Variants in RBFOX1 observed in about 807,000 individuals in gnomAD.
The protein encoded by RBFOX1 is RNA binding fox-1 homolog 1.
In RBFOX1, 8 loss-of-function variants were observed where a neutral mutation model predicts 57.7. That is an observed-to-expected ratio of 0.14 (90% CI 0.08 to 0.25). The LOEUF is 0.25. Among genes scored for constraint, RBFOX1 ranks in the 10% least tolerant of loss-of-function variants. The pLI is 1.00. For missense variants in RBFOX1, 611 were observed against 548.5 expected (o/e 1.11, Z -1.14); for synonymous variants, 326 against 222.4 (o/e 1.47, Z -4.15).
At chr16:7,442,727 T>G (rs922230403) in intron 4 of RBFOX1, among the ~76,000 whole-genome samples, 1 of 152,162 alleles carries the variant, frequency 6.6e-6, no homozygotes, top group Non-Finnish European at 1.5e-5. Flanking sequence ...GTCCGTCTTG[T>G]CAACCGGAAC....
At chr16:5,317,803 A>T (rs574427518) in intron 1 of RBFOX1, among the ~76,000 whole-genome samples, 1 of 152,138 alleles carries the variant, frequency 6.6e-6, no homozygotes, top group Non-Finnish European at 1.5e-5. Flanking sequence ...CATTTAAACC[A>T]TTTTAAGTTT....
intron 3 of RBFOX1, among the ~76,000 whole-genome samples, chr16:6,737,332 G>A (rs1603482049): frequency 6.6e-6 from 1 of 151,452 alleles, no homozygotes; most frequent in East Asian, 1.9e-4. Flanking sequence ...TTGTTTAGAA[G>A]TATAAAAATG....
chr16:7,532,342 G>A (rs566836205), intron 5 of RBFOX1, among the ~76,000 whole-genome samples: 5 of 152,232 alleles, frequency 3.3e-5, no homozygotes, highest in Non-Finnish European at 7.4e-5. Flanking sequence ...CGCCAGCTTC[G>A]GGGAGATGAG....
chr16:7,093,267 A>G (rs1370824269), intron 4 of RBFOX1, among the ~76,000 whole-genome samples: 2 of 152,148 alleles, frequency 1.3e-5, no homozygotes, highest in African/African-American at 4.8e-5. Flanking sequence ...GAAGGTGTTC[A>G]TTATATTATC....
Position 7,306,185 on chromosome 16 carries a change from C to T in RBFOX1, c.28-211962C>T, listed in dbSNP as rs190703414. Among the ~76,000 whole-genome samples the T allele has an allele frequency of 1.4e-4, 22 of 152,202 alleles. No individual in the cohort carries two copies. The East Asian group carries it at 3.9e-3, about 27-fold the overall frequency. ...GGTGTTTGTGTTTTTTTCAAAAATA[C>T]ATCCATGTTTCTGCCTTCTAGATTT... On this transcript the variant is annotated intron_variant, in intron 4 of 15. Transcript: ENST00000550418.
At chr16:7,642,264 G>C (rs2062956387) in intron 11 of RBFOX1, among the ~76,000 whole-genome samples, 1 of 152,162 alleles carries the variant, frequency 6.6e-6, no homozygotes, top group African/African-American at 2.4e-5. Flanking sequence ...CCTAGGCTCA[G>C]ACAGTACCTG....
chr16:6,868,411 AATTGGT>A (rs1383095545), intron 3 of RBFOX1, among the ~76,000 whole-genome samples: 1 of 152,150 alleles, frequency 6.6e-6, no homozygotes, highest in Non-Finnish European at 1.5e-5. Flanking sequence ...TTAGTGTTCA[AATTGGT>A]AAAGTTGCCA....
chr16:6,795,679 T>A (rs1567279601), intron 3 of RBFOX1, among the ~76,000 whole-genome samples: 1 of 151,368 alleles, frequency 6.6e-6, no homozygotes, highest in Non-Finnish European at 1.5e-5. Context: ...GGCAGGAGAA[T>A]CGCTTGAAAC....
chr16:7,525,371 C>T (rs974560046), intron 5 of RBFOX1, among the ~76,000 whole-genome samples: 5 of 152,082 alleles, frequency 3.3e-5, no homozygotes, highest in South Asian at 2.1e-4. Context: ...TTTAATCTTG[C>T]ACTGTTGATA....
At chr16:7,353,329 T>A (rs982470587) in intron 4 of RBFOX1, among the ~76,000 whole-genome samples, 4 of 152,200 alleles carry the variant, frequency 2.6e-5, no homozygotes, top group African/African-American at 9.7e-5. Flanking sequence ...TCAGCAAAGA[T>A]GCGGAGAAAT....
chr16:6,787,084 C>T (rs913769216), intron 3 of RBFOX1, among the ~76,000 whole-genome samples: 1 of 152,144 alleles, frequency 6.6e-6, no homozygotes, highest in Non-Finnish European at 1.5e-5. Flanking sequence ...AAGCATCCCT[C>T]ATAGATTGTA....
intron 3 of RBFOX1, among the ~76,000 whole-genome samples, chr16:6,982,575 C>G (rs1482081189): frequency 1.3e-5 from 2 of 152,174 alleles, no homozygotes; most frequent in African/African-American, 2.4e-5. Flanking sequence ...AGTTCCAAAT[C>G]ATAGTTACCA....
At chr16:6,852,734 A>G (rs953839726) in intron 3 of RBFOX1, among the ~76,000 whole-genome samples, 1 of 151,990 alleles carries the variant, frequency 6.6e-6, no homozygotes, top group Non-Finnish European at 1.5e-5. Context: ...GCTGGGAACT[A>G]GCTGTCTAGG....
At chr16:5,895,758 C>T (rs555731603) in intron 4 of RBFOX1, among the ~76,000 whole-genome samples, 1 of 152,132 alleles carries the variant, frequency 6.6e-6, no homozygotes, top group African/African-American at 2.4e-5. Context: ...ACATGTCATG[C>T]GTCAGTCACC....
At chr16:6,791,751 A>G (rs1282127843) in intron 3 of RBFOX1, among the ~76,000 whole-genome samples, 1 of 152,070 alleles carries the variant, frequency 6.6e-6, no homozygotes, top group Non-Finnish European at 1.5e-5. Context: ...AAAGAGTGAG[A>G]GTCTGTCTCA....
intron 3 of RBFOX1, among the ~76,000 whole-genome samples, chr16:6,690,758 CTT>C (rs71145276): frequency 2.8e-5 from 4 of 141,064 alleles, no homozygotes; most frequent in Non-Finnish European, 3.1e-5. Flanking sequence ...TTCTTTCTTT[CTT>C]TTTTTTTTTT....
intron 1 of RBFOX1, among the ~76,000 whole-genome samples, chr16:6,260,838 A>G (rs2097697586): frequency 2.6e-5 from 4 of 152,190 alleles, no homozygotes; most frequent in African/African-American, 4.8e-5. Flanking sequence ...GTGAGATTGT[A>G]TGACTTCCTT....
chr16:6,555,776 G>A (rs925597085), intron 2 of RBFOX1, among the ~76,000 whole-genome samples: 6 of 152,130 alleles, frequency 3.9e-5, no homozygotes, highest in African/African-American at 7.2e-5. Flanking sequence ...GTTTAGTTAC[G>A]CACTTGTGTG....
At chr16:7,653,480 T>TGA (rs2065555782) in intron 11 of RBFOX1, among the ~76,000 whole-genome samples, 1 of 152,196 alleles carries the variant, frequency 6.6e-6, no homozygotes, top group Non-Finnish European at 1.5e-5. Context: ...CACTCCAGCC[T>TGA]GGGTGACAGA....
Sources: gnomAD v4.1 joint callset for allele counts (sites outside exome capture counted in the v4.1 genomes callset) on GRCh38, gnomAD v4.1.1 for gene constraint, MANE v1.5 for transcripts, NCBI Gene and HGNC (gene_info 2026-07-23, HGNC 2026-07-21) for gene names.